FNDC3A: variants seen among roughly 807,000 people sequenced by gnomAD.
The protein encoded by FNDC3A is fibronectin type III domain containing 3A, also known as fibronectin type-III domain-containing protein 3A.
Under a neutral mutation model 148.9 loss-of-function variants are expected in FNDC3A, and 32 were observed. That is an observed-to-expected ratio of 0.21 (90% CI 0.16 to 0.29). The LOEUF (loss-of-function observed/expected upper bound fraction) is 0.29, where lower values mean the gene tolerates loss of function less well. Among genes scored for constraint, FNDC3A ranks in the 10% least tolerant of loss-of-function variants. The pLI, the probability that FNDC3A is intolerant of heterozygous loss-of-function variation, is 1.00. For missense variants in FNDC3A, 1,191 were observed against 1,452.8 expected (o/e 0.82, Z 2.93); for synonymous variants, 472 against 473.6 (o/e 1.00, Z 0.04).
rs185808104 is a variant in FNDC3A at position 49,162,613 on chromosome 13, A to G, written c.978-4631A>G. On this transcript the variant is annotated intron_variant, in intron 8 of 25. Transcript: ENST00000492622. ...AACTTTCTGAAGTCTACTTCTGTCA[A>G]CTCGTCAAAGTCATTCTCCGTCCTG... Among the ~76,000 whole-genome samples, 25 of 152,204 alleles carry G rather than the reference A, an allele frequency of 1.6e-4. No individual in the cohort carries two copies. The East Asian group carries it at 4.1e-3, about 25-fold the overall frequency.
intron 8 of FNDC3A, among the ~76,000 whole-genome samples, chr13:49,160,935 T>A (rs1025971041): frequency 1.3e-5 from 2 of 152,202 alleles, no homozygotes; most frequent in African/African-American, 2.4e-5. Flanking sequence ...CGGTTTTGAG[T>A]GAGTTTCTTA....
At chr13:49,024,958 A>G (rs1873591394) in intron 2 of FNDC3A, among the ~76,000 whole-genome samples, 1 of 151,998 alleles carries the variant, frequency 6.6e-6, no homozygotes, top group Non-Finnish European at 1.5e-5. Flanking sequence ...GATTAGAAAA[A>G]AATATTTTGT....
intron 1 of FNDC3A, among the ~76,000 whole-genome samples, chr13:48,989,931 T>C (rs1265923897): frequency 1.3e-5 from 2 of 152,114 alleles, no homozygotes; most frequent in African/African-American, 4.8e-5. Context: ...TTTGTATTTT[T>C]AGTAGAGATG....
chr13:49,182,731 C>T (rs1270487472), intron 14 of FNDC3A, among the ~76,000 whole-genome samples: 1 of 152,012 alleles, frequency 6.6e-6, no homozygotes, highest in Non-Finnish European at 1.5e-5. Flanking sequence ...ATGTTCCATC[C>T]TTGAAATTCA....
chr13:49,055,102 C>CTT (rs1233794258), intron 2 of FNDC3A, among the ~76,000 whole-genome samples: 1 of 146,208 alleles, frequency 6.8e-6, no homozygotes. Context: ...ATTTGCTCTT[C>CTT]TTTTTTTTTT....
chr13:49,076,039 A>G (rs1408930974), intron 3 of FNDC3A, among the ~76,000 whole-genome samples: 1 of 152,056 alleles, frequency 6.6e-6, no homozygotes, highest in Non-Finnish European at 1.5e-5. Context: ...TTATTCATTT[A>G]TGACAAACAG....
At chr13:49,199,872 T>C (rs1886344676) in intron 23 of FNDC3A, among the ~76,000 whole-genome samples, 2 of 152,246 alleles carry the variant, frequency 1.3e-5, no homozygotes, top group Admixed American at 1.3e-4. Flanking sequence ...ATTCAGGTTC[T>C]TTCTGTGCCT....
At chr13:49,206,850 C>T (rs1395583910) in intron 25 of FNDC3A, among the ~76,000 whole-genome samples, 1 of 152,194 alleles carries the variant, frequency 6.6e-6, no homozygotes, top group Non-Finnish European at 1.5e-5. Flanking sequence ...CTCCTTAATT[C>T]ATCTGTGAAC....
At chr13:49,094,717 G>A (rs1201120051) in intron 3 of FNDC3A, among the ~76,000 whole-genome samples, 2 of 151,938 alleles carry the variant, frequency 1.3e-5, no homozygotes, top group African/African-American at 2.4e-5. Context: ...AAAAGAAAAG[G>A]CACTATGGAA....
chr13:48,996,071 C>G (rs1353430653), intron 1 of FNDC3A, among the ~76,000 whole-genome samples: 2 of 152,094 alleles, frequency 1.3e-5, no homozygotes, highest in Non-Finnish European at 2.9e-5. Flanking sequence ...TTAAATTCTC[C>G]TGAAAGGGTA....
chr13:49,015,919 A>G (rs1455217336), intron 2 of FNDC3A, among the ~76,000 whole-genome samples: 12 of 151,314 alleles, frequency 7.9e-5, no homozygotes, highest in Admixed American at 3.3e-4. Flanking sequence ...TGATTTGCGT[A>G]TATTGAACCA....
At chr13:48,984,961 C>T (rs919196040) in intron 1 of FNDC3A, among the ~76,000 whole-genome samples, 6 of 152,006 alleles carry the variant, frequency 3.9e-5, no homozygotes, top group African/African-American at 1.4e-4. Flanking sequence ...TGATTACAGG[C>T]GTGAGCCACT....
chr13:49,086,128 C>T (rs1462072926), intron 3 of FNDC3A, among the ~76,000 whole-genome samples: 1 of 152,162 alleles, frequency 6.6e-6, no homozygotes, highest in East Asian at 1.9e-4. Context: ...GTGATCCACC[C>T]GCCTCAGCCT....
chr13:49,134,179 C>T (rs988831247), intron 5 of FNDC3A, among the ~76,000 whole-genome samples: 1 of 152,238 alleles, frequency 6.6e-6, no homozygotes, highest in African/African-American at 2.4e-5. Flanking sequence ...TCAGTCCCAA[C>T]TCTCTGTTCC....
At chr13:49,009,730 A>G (rs1388708449) in intron 2 of FNDC3A, among the ~76,000 whole-genome samples, 6 of 152,242 alleles carry the variant, frequency 3.9e-5, no homozygotes, top group African/African-American at 1.4e-4. Context: ...GCCACCATCT[A>G]AAGAAGATTT....
intron 5 of FNDC3A, among the ~76,000 whole-genome samples, chr13:49,132,997 T>C (rs1189469863): frequency 6.6e-6 from 1 of 152,232 alleles, no homozygotes; most frequent in African/African-American, 2.4e-5. Flanking sequence ...CTGTCACTTA[T>C]GCTCAGTACA....
intron 3 of FNDC3A, among the ~76,000 whole-genome samples, chr13:49,081,751 T>G (rs939629077): frequency 8.5e-5 from 13 of 152,196 alleles, no homozygotes; most frequent in Non-Finnish European, 1.5e-4. Context: ...CCTTATATTC[T>G]TCATCCATTC....
intron 7 of FNDC3A, among the ~76,000 whole-genome samples, chr13:49,144,887 G>A (rs965414714): frequency 6.6e-6 from 1 of 152,040 alleles, no homozygotes; most frequent in Non-Finnish European, 1.5e-5. Flanking sequence ...CTATTACGTA[G>A]CACCTGTATA....
intron 11 of FNDC3A, among the ~76,000 whole-genome samples, chr13:49,172,786 C>A (rs1884829918): frequency 6.6e-6 from 1 of 152,160 alleles, no homozygotes; most frequent in Non-Finnish European, 1.5e-5. Flanking sequence ...TTCACAGGTT[C>A]AGGGGATTGG....
Sources: gnomAD v4.1 joint callset for allele counts (sites outside exome capture counted in the v4.1 genomes callset) on GRCh38, gnomAD v4.1.1 for gene constraint, MANE v1.5 for transcripts, NCBI Gene and HGNC (gene_info 2026-07-23, HGNC 2026-07-21) for gene names.